The following CLASP2 variants were observed in gnomAD, a reference collection of about 807,000 sequenced individuals.
CLASP2 encodes the protein cytoplasmic linker associated protein 2, also known as CLIP-associating protein 2.
Under a neutral mutation model 194.4 loss-of-function variants are expected in CLASP2, and 47 were observed. The observed-to-expected ratio is 0.24, with a 90% CI of 0.19 to 0.31. CLASP2 has a LOEUF of 0.31. Among genes scored for constraint, CLASP2 ranks in the 10% least tolerant of loss-of-function variants. The pLI, the probability that CLASP2 is intolerant of heterozygous loss-of-function variation, is 1.00. For synonymous variants in CLASP2, 619 were observed against 633.5 expected (o/e 0.98, Z 0.34); for missense variants, 1,445 against 1,823.6 (o/e 0.79, Z 3.78).
chr3:33,696,841 C>A lies in CLASP2; in HGVS notation c.274+14G>T. On this transcript the variant is annotated intron_variant, in intron 2 of 38. Coordinates refer to ENST00000682230, the MANE Select transcript of CLASP2 (RefSeq NM_001365631.1). ...AATCTTATTTAGAATTGTAAATAAA[C>A]AAAGTTAACTTACCCATTGCTACAT... 2 of 1,521,792 alleles carry A rather than the reference C, an allele frequency of 1.3e-6. No homozygotes were observed. The highest frequency in any genetic ancestry group is 1.8e-6 in the Non-Finnish European group (2 of 1,112,606). 94.3% of individuals were successfully genotyped at this position (1,521,792 alleles called of 1,614,324 possible). A position where few individuals can be genotyped will look rare whatever the true frequency, so the allele number is the denominator to read the frequency against.
chr3:33,526,882 G>A (rs890328366), intron 34 of CLASP2, among the ~76,000 whole-genome samples: 2 of 151,174 alleles, frequency 1.3e-5, no homozygotes, highest in African/African-American at 4.9e-5. Context: ...AATTACTTTT[G>A]GGTAAATAAT....
intron 7 of CLASP2, chr3:33,645,281 C>T (rs2082088773): frequency 1.3e-6 from 1 of 765,298 alleles, no homozygotes; most frequent in Non-Finnish European, 2.4e-6. Flanking sequence ...CTGCAACTTA[C>T]AATCACAGAT....
At chr3:33,707,435 TG>T (rs2092741047) in intron 1 of CLASP2, among the ~76,000 whole-genome samples, 2 of 152,204 alleles carry the variant, frequency 1.3e-5, no homozygotes, top group African/African-American at 4.8e-5. Context: ...ATCAAATAAC[TG>T]TAAATGGGGA....
chr3:33,597,760 T>C (rs549310256), intron 18 of CLASP2, among the ~76,000 whole-genome samples: 22 of 151,228 alleles, frequency 1.5e-4, no homozygotes, highest in South Asian at 6.3e-4. Context: ...TTCTTTCTTT[T>C]TTTTTTTTTT....
chr3:33,689,534 T>C (rs1478101235), intron 3 of CLASP2, among the ~76,000 whole-genome samples: 1 of 152,042 alleles, frequency 6.6e-6, no homozygotes, highest in African/African-American at 2.4e-5. Context: ...ATAAACATTT[T>C]ATAATTTACA....
At chr3:33,521,834 T>G (rs1486386947) in intron 34 of CLASP2, among the ~76,000 whole-genome samples, 1 of 152,126 alleles carries the variant, frequency 6.6e-6, no homozygotes, top group Non-Finnish European at 1.5e-5. Context: ...AAAGTGTGGT[T>G]AATTTCTATC....
intron 37 of CLASP2, chr3:33,504,692 G>A (rs1398330705): frequency 2.0e-5 from 3 of 152,188 alleles, no homozygotes; most frequent in Non-Finnish European, 4.4e-5. Context: ...TGGGGGGATG[G>A]TTTCAGGATG....
chr3:33,677,971 T>G (rs2089119085), intron 6 of CLASP2, among the ~76,000 whole-genome samples: 1 of 138,016 alleles, frequency 7.2e-6, no homozygotes, highest in East Asian at 2.1e-4. Context: ...CTTAATAAAA[T>G]TAAAGAATGT....
In CLASP2 at chr3:33,592,077, T is replaced by C. The variant is rs1013766588; in HGVS notation, c.2068+318A>G. 12 of 624,142 alleles carry C rather than the reference T, an allele frequency of 1.9e-5. 1 individual carries two copies. The highest frequency in any genetic ancestry group is 9.5e-5 in the South Asian group (5 of 52,474). 38.7% of individuals were successfully genotyped at this position (624,142 alleles called of 1,614,324 possible). A position where few individuals can be genotyped will look rare whatever the true frequency, so the allele number is the denominator to read the frequency against. ...AAATATCTCCATGCAAAAGTTTGTA[T>C]GGCAAATGAAGTTTTTCTTTGTAAG... On this transcript the variant is annotated intron_variant, in intron 21 of 38. Coordinates refer to ENST00000682230, the MANE Select transcript of CLASP2 (RefSeq NM_001365631.1).
Position 33,501,782 on chromosome 3 carries a change from T to G in CLASP2, c.4318-14A>C, listed in dbSNP as rs2046906383. On this transcript the variant is annotated splice_polypyrimidine_tract_variant and intron_variant, in intron 37 of 38. Coordinates refer to ENST00000682230, the MANE Select transcript of CLASP2 (RefSeq NM_001365631.1). ...ATTATCATAACCCTACGGAGAGAAG[T>G]CCACTGTTAGTACTCCAGAGAAGTC... The G allele has an allele frequency of 1.9e-6, 3 of 1,561,888 alleles. No homozygotes were observed. The highest frequency in any genetic ancestry group is 2.6e-6 in the Non-Finnish European group (3 of 1,132,960).
At chr3:33,541,983 C>T (rs576520352) in intron 32 of CLASP2, among the ~76,000 whole-genome samples, 3 of 152,322 alleles carry the variant, frequency 2.0e-5, no homozygotes, top group East Asian at 1.9e-4. Flanking sequence ...TTTTTCTCCA[C>T]AACCTTGCCA....
chr3:33,610,009 C>A (rs374943749), intron 13 of CLASP2, among the ~76,000 whole-genome samples: 2 of 152,166 alleles, frequency 1.3e-5, no homozygotes, highest in Non-Finnish European at 2.9e-5. Context: ...TCATCTATAT[C>A]CAATTATCAA....
intron 1 of CLASP2, among the ~76,000 whole-genome samples, chr3:33,709,985 G>GT (rs1207271398): frequency 1.3e-5 from 2 of 152,200 alleles, no homozygotes. Flanking sequence ...CTTTGACACA[G>GT]TAACTAGGAA....
intron 7 of CLASP2, 110 bp downstream of exon 7, chr3:33,663,335 T>G (rs1313671848): frequency 1.5e-6 from 1 of 647,724 alleles, no homozygotes; most frequent in Non-Finnish European, 2.5e-6. Flanking sequence ...CTCAACTAAG[T>G]TTTCAAGCCA....
intron 16 of CLASP2, among the ~76,000 whole-genome samples, chr3:33,605,580 G>C (rs948417115): frequency 6.6e-6 from 1 of 152,122 alleles, no homozygotes; most frequent in Non-Finnish European, 1.5e-5. Flanking sequence ...AAGGAAACCG[G>C]CAATCTTTGT....
chr3:33,662,176 A>G (rs2085411496), intron 7 of CLASP2, among the ~76,000 whole-genome samples: 1 of 152,248 alleles, frequency 6.6e-6, no homozygotes, highest in Non-Finnish European at 1.5e-5. Flanking sequence ...AACAGAAATA[A>G]TGTCACAAAA....
chr3:33,584,622 A>C, intron 22 of CLASP2, 128 bp downstream of exon 22: 1 of 881,546 alleles, frequency 1.1e-6, no homozygotes, highest in South Asian at 2.3e-5. Context: ...TCAATTGTTG[A>C]ATTTTTAAGT....
chr3:33,686,760 T>C (rs1378520615), intron 5 of CLASP2, among the ~76,000 whole-genome samples: 1 of 152,326 alleles, frequency 6.6e-6, no homozygotes, highest in East Asian at 1.9e-4. Context: ...ACAATTAACA[T>C]ACAGGTAGAC....
intron 25 of CLASP2, among the ~76,000 whole-genome samples, chr3:33,571,086 T>C (rs2063670188): frequency 6.7e-6 from 1 of 149,054 alleles, no homozygotes. Flanking sequence ...CGATCTCGGC[T>C]CACTGCAGGC....
Sources: allele counts gnomAD v4.1 joint callset (sites outside exome capture counted in the v4.1 genomes callset), GRCh38; gene constraint gnomAD v4.1.1; transcripts MANE v1.5; gene names NCBI Gene and HGNC (gene_info 2026-07-23, HGNC 2026-07-21).